Variants in SYNPR observed in about 807,000 individuals in gnomAD.
The protein encoded by SYNPR is synaptoporin.
SYNPR carries 23 observed loss-of-function variants against 32.9 expected under a neutral mutation model. The observed-to-expected ratio is 0.70, with a 90% CI of 0.50 to 0.99. The LOEUF (loss-of-function observed/expected upper bound fraction) is 0.99. Ranked by LOEUF, SYNPR falls within the 50% of genes least tolerant of loss-of-function variation. SYNPR has a pLI of 0.00. For synonymous variants in SYNPR, 146 were observed against 135.9 expected (o/e 1.07, Z -0.52); for missense variants, 318 against 349.3 (o/e 0.91, Z 0.71).
chr3:63,355,370 C>G (rs2087564229), intron 2 of SYNPR, among the ~76,000 whole-genome samples: 2 of 152,014 alleles, frequency 1.3e-5, no homozygotes, highest in African/African-American at 2.4e-5. Flanking sequence ...CCAGCATCTA[C>G]TAGAGGCTAC....
chr3:63,270,860 TTTCCTTCCTTCCTTCC>T (rs3082060), intron 3 of SYNPR, among the ~76,000 whole-genome samples: 169 of 84,326 alleles, frequency 2.0e-3, no homozygotes, highest in South Asian at 5.4e-3. Context: ...CTCTCCCTTC[TTTCCTTCCTTCCTTCC>T]TTCCTTCCTT....
the SYNPR span, among the ~76,000 whole-genome samples, chr3:63,202,363 A>G: frequency 1.3e-5 from 2 of 152,160 alleles, no homozygotes; most frequent in Non-Finnish European, 2.9e-5. Flanking sequence ...TATTTTCTCC[A>G]CACCCTGCTT....
intron 2 of SYNPR, among the ~76,000 whole-genome samples, chr3:63,364,762 T>C (rs1434008567): frequency 6.6e-6 from 1 of 152,128 alleles, no homozygotes; most frequent in African/African-American, 2.4e-5. Context: ...GAGAAGAATG[T>C]AAAAAAATAG....
intron 4 of SYNPR, among the ~76,000 whole-genome samples, chr3:63,589,552 C>A (rs1703267899): frequency 6.6e-6 from 1 of 150,958 alleles, no homozygotes; most frequent in Non-Finnish European, 1.5e-5. Flanking sequence ...TGCAAAAATC[C>A]TCAATAAAAT....
At chr3:63,486,259 T>C (rs900850227) in intron 3 of SYNPR, among the ~76,000 whole-genome samples, 5 of 152,152 alleles carry the variant, frequency 3.3e-5, no homozygotes, top group African/African-American at 1.2e-4. Flanking sequence ...GGAACCTGTT[T>C]GGTCTATAGG....
chr3:63,249,587 T>C (rs1384615651), intron 1 of SYNPR, among the ~76,000 whole-genome samples: 3 of 151,986 alleles, frequency 2.0e-5, no homozygotes, highest in Non-Finnish European at 4.4e-5. Flanking sequence ...AGACTACAGA[T>C]ATGTGCAGTG....
chr3:63,327,326 C>T (rs2087177733), intron 2 of SYNPR, among the ~76,000 whole-genome samples: 2 of 152,014 alleles, frequency 1.3e-5, no homozygotes, highest in Admixed American at 6.6e-5. Flanking sequence ...TCAGCAGTAC[C>T]TACTAAAGTG....
intron 2 of SYNPR, among the ~76,000 whole-genome samples, chr3:63,476,223 G>C: frequency 1.2e-5 from 1 of 81,396 alleles, no homozygotes; most frequent in Non-Finnish European, 2.4e-5. Context: ...GGAGGGAAGG[G>C]AAGGGAAGGA....
At chr3:63,223,598 G>A (rs1476181438), upstream of SYNPR, among the ~76,000 whole-genome samples, 1 of 146,456 alleles carries the variant, frequency 6.8e-6, no homozygotes, top group African/African-American at 2.6e-5. Context: ...AGCCAGCCAC[G>A]ATCCTTTCAA....
intron 2 of SYNPR, among the ~76,000 whole-genome samples, chr3:63,308,464 T>A (rs1165279201): frequency 6.6e-6 from 1 of 152,016 alleles, no homozygotes; most frequent in African/African-American, 2.4e-5. Flanking sequence ...TGCCTTCTGT[T>A]TGAGACTTTC....
At chr3:63,483,560 C>T (rs1226947293) in intron 3 of SYNPR, among the ~76,000 whole-genome samples, 1 of 152,170 alleles carries the variant, frequency 6.6e-6, no homozygotes, top group African/African-American at 2.4e-5. Flanking sequence ...ACTCTACATA[C>T]TTGAGTATTA....
At chr3:63,277,466 T>C (rs2106914009), upstream of SYNPR, among the ~76,000 whole-genome samples, 2 of 152,280 alleles carry the variant, frequency 1.3e-5, no homozygotes, top group East Asian at 3.9e-4. Context: ...CAGTGTTATA[T>C]TTATGAGTTT....
At chr3:63,413,982 A>AG (rs1181639594) in intron 2 of SYNPR, among the ~76,000 whole-genome samples, 2 of 151,288 alleles carry the variant, frequency 1.3e-5, no homozygotes, top group East Asian at 1.9e-4. Flanking sequence ...CCAAGAGGAG[A>AG]GGGAAAAAAA....
chr3:63,388,172 G>A (rs2088080778), intron 2 of SYNPR, among the ~76,000 whole-genome samples: 1 of 152,054 alleles, frequency 6.6e-6, no homozygotes, highest in African/African-American at 2.4e-5. Flanking sequence ...TTTGAGTGAG[G>A]CAGCCCTCCT....
chr3:63,274,990 G>T (rs76240258), upstream of SYNPR, among the ~76,000 whole-genome samples: 4,308 of 152,158 alleles, frequency 0.028, 178 homozygotes, highest in African/African-American at 0.091. Flanking sequence ...CATAGCTATG[G>T]GTCCCTGGCT....
chr3:63,210,786 C>T, the SYNPR span, among the ~76,000 whole-genome samples: 1 of 129,430 alleles, frequency 7.7e-6, no homozygotes, highest in African/African-American at 2.9e-5. Context: ...CCCATCTTCC[C>T]ATTTTCCTCC....
At chr3:63,486,591 C>T (rs1701159482) in intron 3 of SYNPR, among the ~76,000 whole-genome samples, 1 of 152,168 alleles carries the variant, frequency 6.6e-6, no homozygotes, top group Admixed American at 6.5e-5. Context: ...GAAGTCCAAC[C>T]TAAGACACTG....
chr3:63,612,943 C>T (rs1403976860), intron 5 of SYNPR, among the ~76,000 whole-genome samples: 1 of 147,662 alleles, frequency 6.8e-6, no homozygotes, highest in Admixed American at 6.9e-5. Flanking sequence ...TTCTCCTCTC[C>T]TTTTCTGTTT....
chr3:63,383,916 CTA>C (rs1280828956), intron 2 of SYNPR, among the ~76,000 whole-genome samples: 1 of 152,168 alleles, frequency 6.6e-6, no homozygotes, highest in Non-Finnish European at 1.5e-5. Flanking sequence ...AAAAGGGTAA[CTA>C]TGTGTGGTGA....
Sources: gnomAD v4.1 joint callset for allele counts (sites outside exome capture counted in the v4.1 genomes callset) on GRCh38, gnomAD v4.1.1 for gene constraint, MANE v1.5 for transcripts, NCBI Gene and HGNC (gene_info 2026-07-23, HGNC 2026-07-21) for gene names.